The following KLF3 variants were observed in gnomAD, a reference collection of about 807,000 sequenced individuals.
The protein encoded by KLF3 is KLF transcription factor 3, also known as Krueppel-like factor 3.
A neutral mutation model predicts 32.7 loss-of-function variants in KLF3; 6 were observed. That is an observed-to-expected ratio of 0.18 (90% CI 0.10 to 0.36). The LOEUF (loss-of-function observed/expected upper bound fraction) is 0.36. Ranked by LOEUF, KLF3 falls within the 10% of genes least tolerant of loss-of-function variation. KLF3 has a pLI of 1.00. For missense variants in KLF3, 338 were observed against 449.7 expected (o/e 0.75, Z 2.25); for synonymous variants, 145 against 172.8 (o/e 0.84, Z 1.26).
chr4:38,667,217 A>C (rs1722071285), intron 1 of KLF3, among the ~76,000 whole-genome samples: 1 of 152,138 alleles, frequency 6.6e-6, no homozygotes, highest in African/African-American at 2.4e-5. Flanking sequence ...GGGCCGGCTA[A>C]ATGTTTCTCT....
At position 38,694,915 on chromosome 4, in the gene KLF3, A is replaced by C. The variant is rs1723004753; in HGVS notation, c.856+9A>C. The C allele has an allele frequency of 6.3e-7, 1 of 1,593,420 alleles. No homozygotes were observed. The highest frequency in any genetic ancestry group is 8.5e-7 in the Non-Finnish European group (1 of 1,173,294). On this transcript the variant is annotated intron_variant, in intron 5 of 5. Transcript: ENST00000261438. ...CAGAAGAACACACACAGGTAATAGAAACACCAGACCCACTTCATCTTTCTT... is the reference window on the plus strand; with the variant it reads ...CAGAAGAACACACACAGGTAATAGACACACCAGACCCACTTCATCTTTCTT...
At chr4:38,687,455 G>C (rs1409377395) in intron 2 of KLF3, among the ~76,000 whole-genome samples, 1 of 152,206 alleles carries the variant, frequency 6.6e-6, no homozygotes, top group Non-Finnish European at 1.5e-5. Context: ...TGACTGGTTT[G>C]TATTTAAAGC....
intron 4 of KLF3, among the ~76,000 whole-genome samples, chr4:38,692,480 C>G (rs975587389): frequency 6.6e-6 from 1 of 152,120 alleles, no homozygotes; most frequent in Non-Finnish European, 1.5e-5. Flanking sequence ...TATTTTGAAC[C>G]TGAAAATATT....
At chr4:38,677,571 A>G (rs904839581) in intron 1 of KLF3, among the ~76,000 whole-genome samples, 3 of 152,222 alleles carry the variant, frequency 2.0e-5, no homozygotes, top group African/African-American at 4.8e-5. Context: ...TAAAGCGTGC[A>G]GGATGACATG....
At position 38,698,673 on chromosome 4, in the gene KLF3, C is replaced by T. The variant is rs954589967; in HGVS notation, c.*1410C>T. 1.3e-5 allele frequency: 2 copies of T among 152,114 alleles called. No individual in the cohort carries two copies. Among genetic ancestry groups the T allele is most frequent in the African/African-American group, 2.4e-5 (1 of 41,384 alleles). 9.4% of individuals were successfully genotyped at this position (152,114 alleles called of 1,614,324 possible). ...TCAGAACAAACTGAAAATAATGGCTCGTGTTTATGTTGAAGATAAATAGCA... is the reference window on the plus strand; with the variant it reads ...TCAGAACAAACTGAAAATAATGGCTTGTGTTTATGTTGAAGATAAATAGCA... On this transcript the variant is annotated 3_prime_UTR_variant, in exon 6 of 6. Transcript: ENST00000261438.
intron 1 of KLF3, among the ~76,000 whole-genome samples, chr4:38,673,448 G>A (rs915243232): frequency 6.6e-6 from 1 of 152,236 alleles, no homozygotes; most frequent in Non-Finnish European, 1.5e-5. Flanking sequence ...GGGCTTAGGC[G>A]AGGCCTTGTG....
In KLF3 at chr4:38,682,764, G is replaced by A. The variant is rs889705819; in HGVS notation, c.57+2082G>A. Among the ~76,000 whole-genome samples, 41 of 152,284 alleles carry A rather than the reference G, an allele frequency of 2.7e-4. 1 individual carries two copies. Among genetic ancestry groups the A allele is most frequent in the African/African-American group, 4.8e-5 (2 of 41,566 alleles). ...ACTGTTAAACTTGTATTGTTGTAAC[G>A]TAGTAATACATGAAGTTAAAATATG... is the stretch of plus-strand genomic sequence containing the variant. On this transcript the variant is annotated intron_variant, in intron 2 of 5. Coordinates refer to ENST00000261438, the MANE Select transcript of KLF3 (RefSeq NM_016531.6).
At chr4:38,669,532 A>G (rs142957880) in intron 1 of KLF3, among the ~76,000 whole-genome samples, 127 of 152,210 alleles carry the variant, frequency 8.3e-4, no homozygotes, top group African/African-American at 2.8e-3. Flanking sequence ...TAGTAGTCAT[A>G]GAAGAGGCAC....
In KLF3 at chr4:38,688,924, C is replaced by T; in HGVS notation, c.397C>T (p.Arg133Trp). 2 of 1,614,242 alleles carry T rather than the reference C, an allele frequency of 1.2e-6. No individual in the cohort carries two copies. The highest frequency in any genetic ancestry group is 1.1e-5 in the South Asian group (1 of 91,084). Residue 133 changes from arginine to tryptophan, a missense_variant, in exon 3 of 6, where the codon CGG (arginine) becomes TGG (tryptophan). Around this residue, in one of 2 missense-constraint regions of KLF3, gnomAD observed 272 missense variants for 313.4 expected, o/e 0.87. Coordinates refer to ENST00000261438, the MANE Select transcript of KLF3 (RefSeq NM_016531.6). The surrounding 1 kb of genome is among the most constrained non-coding windows in gnomAD (Gnocchi z 4.9). The stretch of plus-strand genomic sequence containing the variant: ...ACCAGTGATGGCAGCTGCCCTCTCG[C>T]GGCATGGAATACGGAGCCCGGGGAT... ...MPPVMAAALS[R>W]HGIRSPGILP... is the part of the protein sequence containing the mutation.
chr4:38,666,827 G>A (rs182142237), intron 1 of KLF3, among the ~76,000 whole-genome samples: 1 of 152,354 alleles, frequency 6.6e-6, no homozygotes, highest in Non-Finnish European at 1.5e-5. Flanking sequence ...TTTTGGTTCT[G>A]TGGGGTACCC....
chr4:38,673,200 A>T (rs1722250861), intron 1 of KLF3, among the ~76,000 whole-genome samples: 1 of 152,162 alleles, frequency 6.6e-6, no homozygotes. Flanking sequence ...TTAAGATTCT[A>T]ACCATCCCTG....
chr4:38,673,703 G>A (rs915316910), intron 1 of KLF3, among the ~76,000 whole-genome samples: 5 of 152,082 alleles, frequency 3.3e-5, no homozygotes, highest in Admixed American at 6.5e-5. Flanking sequence ...GCTTTGCTAG[G>A]CCTCAGTTTG....
chr4:38,674,334 G>C lies in KLF3; in HGVS notation c.-39-6253G>C, dbSNP rs890502071. On this transcript the variant is annotated intron_variant, in intron 1 of 5. Transcript: ENST00000261438. The surrounding 1 kb of genome is among the most constrained non-coding windows in gnomAD (Gnocchi z 4.1). Reference sequence around the variant, plus strand: ...TGAAGAATTTGGGTAAAGAAACGAAGAGAGAAAAGTTTCTCTGGAAAGGAA... The same window carrying C: ...TGAAGAATTTGGGTAAAGAAACGAACAGAGAAAAGTTTCTCTGGAAAGGAA... Among the ~76,000 whole-genome samples the C allele has an allele frequency of 2.0e-5, 3 of 152,120 alleles. No individual in the cohort carries two copies. The highest frequency in any genetic ancestry group is 7.2e-5 in the African/African-American group (3 of 41,436).
intron 1 of KLF3, among the ~76,000 whole-genome samples, chr4:38,666,036 G>A (rs2109336153): frequency 6.6e-6 from 1 of 152,310 alleles, no homozygotes; most frequent in East Asian, 1.9e-4. Context: ...GAAATTAGAT[G>A]TTCGATTAAA....
Position 38,671,302 on chromosome 4 carries a change from G to A in KLF3, c.-40+6841G>A, listed in dbSNP as rs969281454. ...TTGTGCAGTTATTATGAGGATTTCC[G>A]TATTTACTTGGGTCAAGCTGCCAAT... On this transcript the variant is annotated intron_variant, in intron 1 of 5. Transcript: ENST00000261438. This position sits in a 1 kb window ranked among gnomAD's most constrained non-coding sequence, Gnocchi z 4.4. Among the ~76,000 whole-genome samples, 15 of 152,226 alleles carry A rather than the reference G, an allele frequency of 9.9e-5. No individual in the cohort carries two copies. Among genetic ancestry groups the A allele is most frequent in the Admixed American group, 7.9e-4 (12 of 15,284 alleles).
At chr4:38,675,651 C>A (rs968817677) in intron 1 of KLF3, among the ~76,000 whole-genome samples, 4 of 152,076 alleles carry the variant, frequency 2.6e-5, no homozygotes, top group Non-Finnish European at 5.9e-5. Flanking sequence ...TTAAAGACCC[C>A]GAGGTTGGCC....
intron 4 of KLF3, among the ~76,000 whole-genome samples, chr4:38,693,125 TATAC>T (rs1722932789): frequency 3.5e-5 from 5 of 142,976 alleles, no homozygotes; most frequent in African/African-American, 1.3e-4. Context: ...TACATATATA[TATAC>T]GTGTATATAT....
intron 4 of KLF3, 131 bp downstream of exon 4, chr4:38,690,010 C>G: frequency 1.2e-6 from 1 of 820,862 alleles, no homozygotes; most frequent in Non-Finnish European, 1.9e-6. Flanking sequence ...GTGGCCGCCA[C>G]TGGTCCAGTA....
chr4:38,697,521 C>G lies in KLF3; in HGVS notation c.*258C>G, dbSNP rs935816844. On this transcript the variant is annotated 3_prime_UTR_variant, in exon 6 of 6. Coordinates refer to ENST00000261438, the MANE Select transcript of KLF3 (RefSeq NM_016531.6). ...TTCTGGGGATGCTAAGCAAACCCTT[C>G]TTACAGATACGTTTAATGTAATAAG... 3.8e-5 allele frequency: 14 copies of G among 372,924 alleles called. No homozygotes were observed. The highest frequency in any genetic ancestry group is 6.7e-5 in the Non-Finnish European group (14 of 207,848). 23.1% of individuals were successfully genotyped at this position (372,924 alleles called of 1,614,324 possible).
Sources: gnomAD v4.1 joint callset for allele counts (sites outside exome capture counted in the v4.1 genomes callset) on GRCh38, gnomAD v4.1.1 for gene constraint, gnomAD v4.1.1 regional missense constraint, Gnocchi (gnomAD v3.1) non-coding constraint, MANE v1.5 for transcripts, NCBI Gene and HGNC (gene_info 2026-07-23, HGNC 2026-07-21) for gene names.